Variants in ST6GALNAC3 observed in about 807,000 individuals in gnomAD.
ST6GALNAC3 encodes alpha-N-acetylgalactosaminide alpha-2,6-sialyltransferase 3.
A neutral mutation model predicts 32.7 loss-of-function variants in ST6GALNAC3; 25 were observed. The observed-to-expected ratio is 0.76, with a 90% CI of 0.56 to 1.07. The LOEUF (loss-of-function observed/expected upper bound fraction) is 1.07. Ranked by LOEUF, ST6GALNAC3 falls within the 50% of genes least tolerant of loss-of-function variation. ST6GALNAC3 has a pLI of 0.00. For missense variants in ST6GALNAC3, 355 were observed against 382.4 expected (o/e 0.93, Z 0.60); for synonymous variants, 129 against 133.1 (o/e 0.97, Z 0.21).
chr1:76,136,905 A>G (rs1649981374), intron 1 of ST6GALNAC3, among the ~76,000 whole-genome samples: 1 of 152,234 alleles, frequency 6.6e-6, no homozygotes, highest in African/African-American at 2.4e-5. Flanking sequence ...CGATGCTAAC[A>G]TCATTCATCC....
chr1:76,279,653 G>A (rs6675148), intron 1 of ST6GALNAC3, among the ~76,000 whole-genome samples: 90,530 of 151,926 alleles, frequency 0.6, 27,277 homozygotes, highest in African/African-American at 0.68. Context: ...CGTGTCTGCC[G>A]GCAGCTGCCG....
intron 2 of ST6GALNAC3, among the ~76,000 whole-genome samples, chr1:76,325,159 A>G (rs1647044414): frequency 6.6e-6 from 1 of 152,238 alleles, no homozygotes; most frequent in Admixed American, 6.5e-5. Context: ...GGAGAAGACC[A>G]TAGGAGAAGG....
intron 3 of ST6GALNAC3, among the ~76,000 whole-genome samples, chr1:76,542,013 T>C (rs1664022139): frequency 6.6e-6 from 1 of 152,200 alleles, no homozygotes; most frequent in South Asian, 2.1e-4. Flanking sequence ...TGCTGTTTGC[T>C]GTTTACTATT....
chr1:76,501,159 C>T lies in ST6GALNAC3; in HGVS notation c.623+88742C>T, dbSNP rs980568242. 1.1e-4 allele frequency among the ~76,000 whole-genome samples: 16 copies of T among 152,262 alleles called. No homozygotes were observed. The East Asian group carries it at 1.5e-3, about 15-fold the overall frequency. The stretch of plus-strand genomic sequence containing the variant: ...CTTTTACTTCCTCCCCTCTCCCTCC[C>T]CCTACAAGCTATTTCTCATTTGGAG... On this transcript the variant is annotated intron_variant, in intron 3 of 4. Coordinates refer to ENST00000328299, the MANE Select transcript of ST6GALNAC3 (RefSeq NM_152996.4).
intron 3 of ST6GALNAC3, among the ~76,000 whole-genome samples, chr1:76,421,070 A>G (rs1203366077): frequency 6.6e-6 from 1 of 152,104 alleles, no homozygotes; most frequent in East Asian, 1.9e-4. Flanking sequence ...TTCAGTAAAG[A>G]TTTAATGGGT....
chr1:76,116,168 A>G lies in ST6GALNAC3; in HGVS notation c.18+41284A>G, dbSNP rs1447398430. ...TAGAGAGTGTGTGTGACCTTATGCA[A>G]AGGCACTGGAGTAAAAAGGTGCATC... On this transcript the variant is annotated intron_variant, in intron 1 of 4. Transcript: ENST00000328299. Among the ~76,000 whole-genome samples, 6 of 152,104 alleles carry G rather than the reference A, an allele frequency of 3.9e-5. No individual in the cohort carries two copies. In the East Asian group the frequency reaches 1.2e-3, roughly 29 times the overall value.
intron 3 of ST6GALNAC3, among the ~76,000 whole-genome samples, chr1:76,498,248 A>G (rs1218399834): frequency 6.6e-6 from 1 of 152,200 alleles, no homozygotes; most frequent in Non-Finnish European, 1.5e-5. Flanking sequence ...ATCCTTTCAT[A>G]TTCCCCAATT....
At position 76,335,347 on chromosome 1, in the gene ST6GALNAC3, G is replaced by A. The variant is rs74622415; in HGVS notation, c.213+21348G>A. Among the ~76,000 whole-genome samples, 234 of 152,126 alleles carry A rather than the reference G, an allele frequency of 1.5e-3. 1 individual carries two copies. In the East Asian group the frequency reaches 0.026, roughly 17 times the overall value. On this transcript the variant is annotated intron_variant, in intron 2 of 4. Coordinates refer to ENST00000328299, the MANE Select transcript of ST6GALNAC3 (RefSeq NM_152996.4). ...CCAACCCATTTATTCCAGCTCAGCCGTGAGGATGGCTGGAGCCTATCCCAG... is the reference window on the plus strand; with the variant it reads ...CCAACCCATTTATTCCAGCTCAGCCATGAGGATGGCTGGAGCCTATCCCAG...
intron 1 of ST6GALNAC3, among the ~76,000 whole-genome samples, chr1:76,195,001 A>G (rs1654115763): frequency 6.6e-6 from 1 of 152,192 alleles, no homozygotes; most frequent in Non-Finnish European, 1.5e-5. Flanking sequence ...ATGTTGACAC[A>G]TTTCATTATA....
intron 1 of ST6GALNAC3, among the ~76,000 whole-genome samples, chr1:76,274,445 T>G (rs1006730821): frequency 6.6e-6 from 1 of 152,154 alleles, no homozygotes; most frequent in Admixed American, 6.5e-5. Flanking sequence ...CTCCTGTAAT[T>G]CAGGCATTTC....
intron 2 of ST6GALNAC3, among the ~76,000 whole-genome samples, chr1:76,384,518 A>G (rs990141912): frequency 9.2e-5 from 14 of 152,192 alleles, no homozygotes; most frequent in African/African-American, 3.4e-4. Flanking sequence ...GTAGATTTGA[A>G]TAACACAATT....
rs116484930 is a variant in ST6GALNAC3, at chr1:76,519,456, C to T, written c.623+107039C>T. On this transcript the variant is annotated intron_variant, in intron 3 of 4. Transcript: ENST00000328299. Reference sequence around the variant, plus strand: ...CACTGTCCAAAACACAGCCACCTAGCACATATGTCTCTTGAACCTTTCTTT... The same window carrying T: ...CACTGTCCAAAACACAGCCACCTAGTACATATGTCTCTTGAACCTTTCTTT... Among the ~76,000 whole-genome samples the T allele has an allele frequency of 6.2e-3, 941 of 152,252 alleles. 7 individuals carry two copies. Among genetic ancestry groups the T allele is most frequent in the South Asian group, 0.011 (54 of 4,824 alleles).
chr1:76,466,070 T>C (rs780844412), intron 3 of ST6GALNAC3, among the ~76,000 whole-genome samples: 1 of 152,134 alleles, frequency 6.6e-6, no homozygotes, highest in Non-Finnish European at 1.5e-5. Context: ...CATATAAAAA[T>C]AAATTGTGTC....
At position 76,630,235 on chromosome 1, in the gene ST6GALNAC3, A is replaced by T; in HGVS notation, c.*1429A>T. Reference sequence around the variant, plus strand: ...TCTGTGCCAAATACATTATATCAGGATTACACAAAAAGTATCACAAAGGAT... The same window carrying T: ...TCTGTGCCAAATACATTATATCAGGTTTACACAAAAAGTATCACAAAGGAT... On this transcript the variant is annotated 3_prime_UTR_variant, in exon 5 of 5. Transcript: ENST00000328299. 1 of 985,252 alleles carries T rather than the reference A, an allele frequency of 1.0e-6. No homozygotes were observed. The highest frequency in any genetic ancestry group is 1.2e-6 in the Non-Finnish European group (1 of 829,842). The allele number at this position is 985,252 out of a possible 1,614,324, so 61.0% of individuals were successfully genotyped here. A position where few individuals can be genotyped will look rare whatever the true frequency, so the allele number is the denominator to read the frequency against.
At chr1:76,439,357 G>A (rs912410401) in intron 3 of ST6GALNAC3, among the ~76,000 whole-genome samples, 1 of 152,122 alleles carries the variant, frequency 6.6e-6, no homozygotes, top group African/African-American at 2.4e-5. Context: ...TCCCTAATAC[G>A]TATGGCTTAA....
chr1:76,415,521 C>T (rs924267595), intron 3 of ST6GALNAC3, among the ~76,000 whole-genome samples: 1 of 151,958 alleles, frequency 6.6e-6, no homozygotes, highest in African/African-American at 2.4e-5. Context: ...CTTAAACATA[C>T]TTGAAGTATT....
rs1375262032 is a variant in ST6GALNAC3 at position 76,357,734 on chromosome 1, C to T, written c.213+43735C>T. Among the ~76,000 whole-genome samples, 7 of 152,312 alleles carry T rather than the reference C, an allele frequency of 4.6e-5. No homozygotes were observed. The East Asian group carries it at 1.2e-3, about 25-fold the overall frequency. ...TCCGGCTGTTCTTTGATCCTTTCCC[C>T]TTGGCCCACACAGTGTTCAGCACAG... On this transcript the variant is annotated intron_variant, in intron 2 of 4. Transcript: ENST00000328299.
chr1:76,563,599 ATAACAATAAT>A (rs1665375257), intron 3 of ST6GALNAC3, among the ~76,000 whole-genome samples: 1 of 152,222 alleles, frequency 6.6e-6, no homozygotes, highest in Non-Finnish European at 1.5e-5. Context: ...AAAAACAACA[ATAACAATAAT>A]AAAGTTATTT....
intron 1 of ST6GALNAC3, among the ~76,000 whole-genome samples, chr1:76,143,792 C>T (rs1325925036): frequency 6.6e-6 from 1 of 152,092 alleles, no homozygotes; most frequent in Non-Finnish European, 1.5e-5. Flanking sequence ...GAGAAGAAGA[C>T]TGTGGATCTG....
Sources: allele counts gnomAD v4.1 joint callset (sites outside exome capture counted in the v4.1 genomes callset), GRCh38; gene constraint gnomAD v4.1.1; transcripts MANE v1.5; gene names NCBI Gene and HGNC (gene_info 2026-07-23, HGNC 2026-07-21).